Variants in TMEM131L observed in about 807,000 individuals in gnomAD.
TMEM131L encodes transmembrane 131 like.
In TMEM131L, 54 loss-of-function variants were observed where a neutral mutation model predicts 192.2. The ratio of observed to expected loss-of-function variants is 0.28; its 90% CI spans 0.23 to 0.35. The LOEUF is 0.35. TMEM131L is among the 10% of genes least tolerant of loss of function. The probability of loss-of-function intolerance (pLI) is 1.00; values close to 1 mark genes in which losing one functional copy is unlikely to be tolerated. For missense variants in TMEM131L, 1,888 were observed against 1,972.9 expected (o/e 0.96, Z 0.82); for synonymous variants, 701 against 704.9 (o/e 0.99, Z 0.09).
Position 153,604,347 on chromosome 4 carries a change from A to C in TMEM131L, c.3335A>C (p.Lys1112Thr), listed in dbSNP as rs1324183871. ...GAGCTCTGTCCACTGAAGACCTCCA[A>C]GAAACTACCTGAAAACCATTTACCA... The part of the protein sequence containing the change: ...ERELCPLKTS[K>T]KLPENHLPRN... Residue 1112 changes from lysine (K) to threonine (T), a missense_variant, in exon 25 of 35, where the codon AAG (lysine) becomes ACG (threonine). Transcript: ENST00000409959. 6.2e-7 allele frequency: 1 copy of C among 1,614,104 alleles called. No individual in the cohort carries two copies. Among genetic ancestry groups the C allele is most frequent in the Non-Finnish European group, 8.5e-7 (1 of 1,179,982 alleles).
chr4:153,512,654 G>A (rs1224428169), intron 3 of TMEM131L, among the ~76,000 whole-genome samples: 3 of 151,840 alleles, frequency 2.0e-5, no homozygotes, highest in South Asian at 2.1e-4. Context: ...TTGCTCTGTC[G>A]CCAGGCTGGA....
At chr4:153,557,289 G>A (rs994421053) in intron 6 of TMEM131L, among the ~76,000 whole-genome samples, 1 of 152,218 alleles carries the variant, frequency 6.6e-6, no homozygotes, top group Non-Finnish European at 1.5e-5. Flanking sequence ...TGATGACGGA[G>A]CTATAGTCCT....
chr4:153,477,450 C>G (rs112144159), intron 3 of TMEM131L, among the ~76,000 whole-genome samples: 1 of 152,148 alleles, frequency 6.6e-6, no homozygotes, highest in African/African-American at 2.4e-5. Context: ...TTATTCAGCA[C>G]TAGTTTCTTT....
intron 7 of TMEM131L, among the ~76,000 whole-genome samples, chr4:153,575,033 G>C (rs1206199972): frequency 6.6e-6 from 1 of 152,162 alleles, no homozygotes; most frequent in African/African-American, 2.4e-5. Context: ...TAAATAAAAA[G>C]GTTTCATGTG....
intron 3 of TMEM131L, among the ~76,000 whole-genome samples, chr4:153,477,680 G>T (rs539540431): frequency 6.6e-6 from 1 of 152,098 alleles, no homozygotes. Flanking sequence ...TATAATCTAT[G>T]TGCTTTTTTA....
intron 3 of TMEM131L, among the ~76,000 whole-genome samples, chr4:153,510,826 G>A (rs1016880792): frequency 1.3e-5 from 2 of 151,960 alleles, no homozygotes; most frequent in Non-Finnish European, 2.9e-5. Flanking sequence ...GTTTGAGGCT[G>A]CAGTGAGCCA....
chr4:153,513,178 C>T (rs1461498963), intron 3 of TMEM131L, among the ~76,000 whole-genome samples: 1 of 152,188 alleles, frequency 6.6e-6, no homozygotes, highest in Non-Finnish European at 1.5e-5. Context: ...TTTGAATTTA[C>T]TGTCATGCTG....
chr4:153,614,206 G>A (rs1416907745), intron 26 of TMEM131L, among the ~76,000 whole-genome samples: 1 of 152,190 alleles, frequency 6.6e-6, no homozygotes, highest in Non-Finnish European at 1.5e-5. Flanking sequence ...AGCTACCTTT[G>A]GGGAAGTAAT....
intron 25 of TMEM131L, among the ~76,000 whole-genome samples, chr4:153,606,982 ACTGTC>A (rs1234447305): frequency 6.6e-6 from 1 of 152,226 alleles, no homozygotes; most frequent in Non-Finnish European, 1.5e-5. Flanking sequence ...TGTTCACAGC[ACTGTC>A]CTGGGAAAAT....
chr4:153,613,248 G>T (rs768345743), intron 26 of TMEM131L, among the ~76,000 whole-genome samples: 1 of 152,158 alleles, frequency 6.6e-6, no homozygotes, highest in Non-Finnish European at 1.5e-5. Context: ...CATAATAAAG[G>T]TCTCTTGTTG....
intron 3 of TMEM131L, among the ~76,000 whole-genome samples, chr4:153,533,335 G>A (rs574533657): frequency 9.7e-4 from 148 of 152,282 alleles, no homozygotes; most frequent in Middle Eastern, 3.4e-3. Context: ...CCCATTATAA[G>A]TAGGGGGACT....
chr4:153,616,630 A>G (rs568385507), intron 26 of TMEM131L, among the ~76,000 whole-genome samples: 7 of 152,376 alleles, frequency 4.6e-5, no homozygotes, highest in South Asian at 2.1e-4. Flanking sequence ...CATGATTATT[A>G]TAGAAGCATA....
intron 3 of TMEM131L, among the ~76,000 whole-genome samples, chr4:153,499,179 G>A (rs911029361): frequency 1.3e-5 from 2 of 152,206 alleles, no homozygotes; most frequent in Admixed American, 6.5e-5. Flanking sequence ...TCAGGGCTCC[G>A]AGGCTGCGCC....
chr4:153,532,330 A>AT (rs1340358545), intron 3 of TMEM131L, among the ~76,000 whole-genome samples: 1 of 151,558 alleles, frequency 6.6e-6, no homozygotes, highest in Non-Finnish European at 1.5e-5. Flanking sequence ...GTATGGGTAC[A>AT]TGTGTGAGAA....
In TMEM131L at chr4:153,619,043, A is replaced by G. The variant is rs569317668; in HGVS notation, c.3568-1713A>G. 3.9e-5 allele frequency among the ~76,000 whole-genome samples: 6 copies of G among 152,140 alleles called. No individual in the cohort carries two copies. The South Asian group carries it at 1.2e-3, about 32-fold the overall frequency. On this transcript the variant is annotated intron_variant, in intron 26 of 34. Coordinates refer to ENST00000409959, the MANE Select transcript of TMEM131L (RefSeq NM_001131007.2). ...TGTCATACTCACGGAGAACTCTTTG[A>G]TGCTTCTGGTCACCGAGTCCCGCCT...
At chr4:153,485,694 G>C (rs1278286569) in intron 3 of TMEM131L, among the ~76,000 whole-genome samples, 1 of 152,194 alleles carries the variant, frequency 6.6e-6, no homozygotes, top group Non-Finnish European at 1.5e-5. Flanking sequence ...AGTTATGACA[G>C]GTGTATGTAG....
chr4:153,567,365 T>C (rs1192502974), intron 7 of TMEM131L, among the ~76,000 whole-genome samples: 3 of 152,352 alleles, frequency 2.0e-5, no homozygotes, highest in Admixed American at 1.3e-4. Flanking sequence ...ATAATGTATT[T>C]AGTAACATTT....
In TMEM131L at chr4:153,473,311, G is replaced by A. The variant is rs561807126; in HGVS notation, c.196-534G>A. On this transcript the variant is annotated intron_variant, in intron 2 of 34. Transcript: ENST00000409959. Reference sequence around the variant, plus strand: ...CTGCACAGAGTGCGATGGTGCACCGGATGGTTGCAGGCAGCAGTCTGCAGG... The same window carrying A: ...CTGCACAGAGTGCGATGGTGCACCGAATGGTTGCAGGCAGCAGTCTGCAGG... Among the ~76,000 whole-genome samples the A allele has an allele frequency of 1.6e-3, 242 of 152,340 alleles. 1 individual carries two copies. Among genetic ancestry groups the A allele is most frequent in the African/African-American group, 5.5e-3 (229 of 41,568 alleles).
chr4:153,548,259 A>G (rs1737342950), intron 3 of TMEM131L, among the ~76,000 whole-genome samples: 1 of 152,214 alleles, frequency 6.6e-6, no homozygotes, highest in African/African-American at 2.4e-5. Context: ...ATTGACAAGA[A>G]TTAGGCAGAT....
Sources: allele counts gnomAD v4.1 joint callset (sites outside exome capture counted in the v4.1 genomes callset), GRCh38; gene constraint gnomAD v4.1.1; transcripts MANE v1.5; gene names NCBI Gene and HGNC (gene_info 2026-07-23, HGNC 2026-07-21).